Variants in ABHD3 observed in about 807,000 individuals in gnomAD.
ABHD3 encodes phospholipase ABHD3.
A neutral mutation model predicts 48.8 loss-of-function variants in ABHD3; 46 were observed. The ratio of observed to expected loss-of-function variants is 0.94; its 90% CI spans 0.74 to 1.20. The LOEUF (loss-of-function observed/expected upper bound fraction) is 1.20. ABHD3 is among the 50% of genes most tolerant of loss of function. The pLI is 0.00. For synonymous variants in ABHD3, 192 were observed against 183.7 expected (o/e 1.04, Z -0.36); for missense variants, 490 against 497.8 (o/e 0.98, Z 0.15).
At position 21,651,321 on chromosome 18, in the gene ABHD3, CA is replaced by C; in HGVS notation, c.*269del. Reference sequence around the variant, plus strand: ...TTTACACAATAGTTTTGGTTAAGTGCAATTTCATGTACATACTACTTTGTTT... The same window carrying C: ...TTTACACAATAGTTTTGGTTAAGTGCATTTCATGTACATACTACTTTGTTT... On this transcript the variant is annotated 3_prime_UTR_variant, in exon 9 of 9. Transcript: ENST00000289119. 4.2e-6 allele frequency: 1 copy of C among 239,980 alleles called. No homozygotes were observed. The highest frequency in any genetic ancestry group is 5.3e-5 in the Admixed American group (1 of 18,970). 14.9% of individuals were successfully genotyped at this position (239,980 alleles called of 1,614,324 possible).
chr18:21,698,828 A>C (rs1202328746), intron 3 of ABHD3, among the ~76,000 whole-genome samples: 3 of 151,902 alleles, frequency 2.0e-5, no homozygotes, highest in African/African-American at 7.3e-5. Flanking sequence ...TGATCCACCC[A>C]CCTTGGCCTC....
chr18:21,691,946 T>C (rs577731144), intron 3 of ABHD3, among the ~76,000 whole-genome samples: 26 of 152,338 alleles, frequency 1.7e-4, no homozygotes, highest in African/African-American at 5.8e-4. Context: ...AATAAGCCTG[T>C]ACATTCCAAT....
intron 1 of ABHD3, 117 bp from the exon 2 acceptor site, chr18:21,703,864 C>CTGGA: frequency 8.6e-7 from 1 of 1,162,592 alleles, no homozygotes; most frequent in South Asian, 1.5e-5. Context: ...ACAACTCTTT[C>CTGGA]TGGAGGGCTG....
At chr18:21,654,044 G>T (rs2039289937) in intron 8 of ABHD3, among the ~76,000 whole-genome samples, 1 of 151,362 alleles carries the variant, frequency 6.6e-6, no homozygotes, top group Admixed American at 6.6e-5. Flanking sequence ...TAGAGATGGG[G>T]TTTCACCATG....
chr18:21,657,227 AT>A, intron 6 of ABHD3, 75 bp from the exon 7 acceptor site: 1 of 1,360,332 alleles, frequency 7.4e-7, no homozygotes, highest in Non-Finnish European at 1.0e-6. Flanking sequence ...TTAAAAACAA[AT>A]TACTAAACAG....
At chr18:21,669,452 G>T (rs1162163043) in intron 4 of ABHD3, among the ~76,000 whole-genome samples, 1 of 151,964 alleles carries the variant, frequency 6.6e-6, no homozygotes, top group Non-Finnish European at 1.5e-5. Flanking sequence ...TCTTAGGCTT[G>T]TATCTGCTTA....
At chr18:21,659,467 C>T in intron 5 of ABHD3, 124 bp from the exon 6 acceptor site, 4 of 897,940 alleles carry the variant, frequency 4.5e-6, no homozygotes, top group Non-Finnish European at 6.6e-6. Context: ...TTTAAGTCCT[C>T]TATCCTGGAA....
chr18:21,689,574 A>AAAAC (rs1555681996), intron 3 of ABHD3, among the ~76,000 whole-genome samples: 2 of 148,608 alleles, frequency 1.3e-5, no homozygotes, highest in African/African-American at 4.9e-5. Flanking sequence ...AAAAAAAAAA[A>AAAAC]GGGAAATGCT....
chr18:21,675,392 C>G (rs2039858062), intron 4 of ABHD3, among the ~76,000 whole-genome samples: 2 of 151,806 alleles, frequency 1.3e-5, no homozygotes, highest in African/African-American at 2.4e-5. Context: ...CCTCAGCCCC[C>G]CGAGCAGCTG....
chr18:21,691,297 A>C (rs2040246868), intron 3 of ABHD3, among the ~76,000 whole-genome samples: 1 of 152,242 alleles, frequency 6.6e-6, no homozygotes, highest in African/African-American at 2.4e-5. Flanking sequence ...ATAGAATTAA[A>C]TGGAGAAACA....
chr18:21,668,523 A>G (rs2847136), intron 4 of ABHD3, among the ~76,000 whole-genome samples: 77,223 of 152,018 alleles, frequency 0.51, 22,686 homozygotes, highest in African/African-American at 0.81. Context: ...TCTTTGTGTC[A>G]AAAGGACCAT....
chr18:21,670,001 C>T (rs1417184888), intron 4 of ABHD3, among the ~76,000 whole-genome samples: 2 of 152,098 alleles, frequency 1.3e-5, no homozygotes, highest in Non-Finnish European at 2.9e-5. Context: ...TGATACCAGG[C>T]AGTTTATGGC....
At chr18:21,661,426 A>G (rs2039492487) in intron 5 of ABHD3, among the ~76,000 whole-genome samples, 1 of 152,010 alleles carries the variant, frequency 6.6e-6, no homozygotes. Context: ...TCATGAGGTC[A>G]GGAGTTTGAG....
chr18:21,671,687 T>C (rs1371300331), intron 4 of ABHD3, among the ~76,000 whole-genome samples: 1 of 152,190 alleles, frequency 6.6e-6, no homozygotes, highest in Non-Finnish European at 1.5e-5. Flanking sequence ...CCAGCAGATA[T>C]TTGGACATAA....
intron 4 of ABHD3, 138 bp downstream of exon 4, chr18:21,683,782 A>G (rs1381388079): frequency 5.2e-5 from 43 of 822,700 alleles, no homozygotes; most frequent in Non-Finnish European, 6.4e-5. Flanking sequence ...CTTTTTTTCC[A>G]TATCTGTATT....
intron 4 of ABHD3, among the ~76,000 whole-genome samples, chr18:21,676,257 G>A (rs957017799): frequency 6.6e-6 from 1 of 152,032 alleles, no homozygotes; most frequent in African/African-American, 2.4e-5. Flanking sequence ...ACCAAACTTA[G>A]GTAAATCATT....
chr18:21,680,856 G>A (rs866811762), intron 4 of ABHD3, among the ~76,000 whole-genome samples: 1 of 147,734 alleles, frequency 6.8e-6, no homozygotes, highest in East Asian at 2.0e-4. Flanking sequence ...TTTCAAATGT[G>A]TGTGTGTGTG....
chr18:21,658,468 A>G (rs1210789347), intron 6 of ABHD3, among the ~76,000 whole-genome samples: 1 of 152,152 alleles, frequency 6.6e-6, no homozygotes, highest in Non-Finnish European at 1.5e-5. Context: ...AAATCCAGGG[A>G]AACAGCCCAT....
intron 3 of ABHD3, among the ~76,000 whole-genome samples, chr18:21,684,490 T>A (rs148224910): frequency 0.01 from 1,580 of 151,840 alleles, 37 homozygotes; most frequent in African/African-American, 0.036. Context: ...GGCTAATTTT[T>A]TTTTGTATTT....
Sources: allele counts gnomAD v4.1 joint callset (sites outside exome capture counted in the v4.1 genomes callset), GRCh38; gene constraint gnomAD v4.1.1; transcripts MANE v1.5; gene names NCBI Gene and HGNC (gene_info 2026-07-23, HGNC 2026-07-21).